The following VSX2 variants were observed in gnomAD, a reference collection of about 807,000 sequenced individuals.
The protein encoded by VSX2 is ceh-10 homeo domain containing homolog.
VSX2 carries 28 observed loss-of-function variants against 32.1 expected under a neutral mutation model. That is an observed-to-expected ratio of 0.87 (90% CI 0.65 to 1.20). VSX2 has a LOEUF of 1.20. Ranked by LOEUF, VSX2 falls within the 50% of genes most tolerant of loss-of-function variation. The probability of loss-of-function intolerance (pLI) is 0.00; values close to 1 mark genes in which losing one functional copy is unlikely to be tolerated. For missense variants in VSX2, 506 were observed against 488.7 expected, an observed-to-expected ratio of 1.04 and a Z score of -0.33; for synonymous variants, 243 against 214.1, an observed-to-expected ratio of 1.14 and a Z score of -1.18.
intron 2 of VSX2, 69 bp from the exon 3 acceptor site, chr14:74,245,096 G>A: frequency 6.2e-7 from 1 of 1,604,280 alleles, no homozygotes; most frequent in Non-Finnish European, 8.5e-7. Context: ...GAGGAAGGCG[G>A]TTCTGTCTTG....
intron 1 of VSX2, among the ~76,000 whole-genome samples, chr14:74,240,352 C>T (rs567007701): frequency 9.7e-4 from 148 of 152,324 alleles, no homozygotes; most frequent in African/African-American, 3.4e-3. Flanking sequence ...GGCTCCGGCC[C>T]CATCCCTGGT....
rs542328201 is a variant in VSX2, at chr14:74,239,627, G to A, written c.66G>A (p.Ser22=). The A allele has an allele frequency of 6.4e-7, 1 of 1,551,140 alleles. No homozygotes were observed. Among genetic ancestry groups the A allele is most frequent in the Non-Finnish European group, 8.7e-7 (1 of 1,146,954 alleles). The stretch of plus-strand genomic sequence containing the variant: ...CCGAGACAGTGGCCAAGAGTACCTC[G>A]GGGGGCGCCCCGGCCAGGTGCACTG... ...PKSETVAKST[S]GGAPARCTGF... Residue 22 remains serine (S), a synonymous_variant, in exon 1 of 5, where the codon TCG becomes TCA. Transcript: ENST00000261980.
chr14:74,258,194 T>C (rs1342005890), intron 3 of VSX2, among the ~76,000 whole-genome samples: 1 of 152,210 alleles, frequency 6.6e-6, no homozygotes, highest in Non-Finnish European at 1.5e-5. Flanking sequence ...CATTAATTAG[T>C]GCGGGTCAAT....
rs112949224 is a variant in VSX2 at position 74,245,465 on chromosome 14, C to T, written c.579+177C>T. ...ACCTGCCACATGAGGTGGGTGCTGTCGGGGGATGAGAAGCACCCAGTTGTG... is the reference window on the plus strand; with the variant it reads ...ACCTGCCACATGAGGTGGGTGCTGTTGGGGGATGAGAAGCACCCAGTTGTG... On this transcript the variant is annotated intron_variant, in intron 3 of 4. Coordinates refer to ENST00000261980, the MANE Select transcript of VSX2 (RefSeq NM_182894.3). Among the ~76,000 whole-genome samples, 366 of 152,130 alleles carry T rather than the reference C, an allele frequency of 2.4e-3. 2 individuals are homozygous for T. Among genetic ancestry groups the T allele is most frequent in the African/African-American group, 8.4e-3 (349 of 41,502 alleles).
At chr14:74,242,833 G>A (rs1310333620) in intron 2 of VSX2, among the ~76,000 whole-genome samples, 1 of 152,006 alleles carries the variant, frequency 6.6e-6, no homozygotes, top group Admixed American at 6.5e-5. Flanking sequence ...GGAGAGCCCT[G>A]GAAAAAGCAT....
At chr14:74,258,868 C>G (rs2079284891) in intron 3 of VSX2, among the ~76,000 whole-genome samples, 1 of 152,192 alleles carries the variant, frequency 6.6e-6, no homozygotes, top group South Asian at 2.1e-4. Context: ...GTCCCTCCTC[C>G]CATTTGCTCC....
At chr14:74,249,036 A>C (rs1357363530) in intron 3 of VSX2, among the ~76,000 whole-genome samples, 1 of 152,230 alleles carries the variant, frequency 6.6e-6, no homozygotes, top group Non-Finnish European at 1.5e-5. Context: ...TCTGAAGTCT[A>C]CTGTCTGATG....
chr14:74,256,434 C>T (rs915409416), intron 3 of VSX2, among the ~76,000 whole-genome samples: 2 of 151,950 alleles, frequency 1.3e-5, no homozygotes, highest in African/African-American at 4.8e-5. Context: ...CCATCTCAAA[C>T]GAAAGTAATT....
At chr14:74,243,382 A>T (rs79412063) in intron 2 of VSX2, among the ~76,000 whole-genome samples, 10,883 of 152,208 alleles carry the variant, frequency 0.072, 704 homozygotes, top group African/African-American at 0.16. Flanking sequence ...GCTGGGTCAC[A>T]TTATGGGGGA....
In VSX2 at chr14:74,244,342, T is replaced by TTCCC. The variant is rs2079170113; in HGVS notation, c.456-823_456-822insTCCC. ...AGGTGAGTGGCTGAGCTTGCAAGTA[T>TTCCC]GGGATGGTTGGAAGGTGGCCCTTCC... is the stretch of plus-strand genomic sequence containing the variant. On this transcript the variant is annotated intron_variant, in intron 2 of 4. Coordinates refer to ENST00000261980, the MANE Select transcript of VSX2 (RefSeq NM_182894.3). Among the ~76,000 whole-genome samples, 4 of 151,872 alleles carry TTCCC rather than the reference T, an allele frequency of 2.6e-5. No homozygotes were observed. In the South Asian group the frequency reaches 8.3e-4, roughly 32 times the overall value.
intron 4 of VSX2, 145 bp from the exon 5 acceptor site, chr14:74,260,449 G>C: frequency 1.1e-6 from 1 of 893,370 alleles, no homozygotes; most frequent in South Asian, 1.5e-5. Flanking sequence ...CCCTGGTCCA[G>C]CCCTGGGACT....
chr14:74,244,429 G>A (rs1215814477), intron 2 of VSX2, among the ~76,000 whole-genome samples: 1 of 152,112 alleles, frequency 6.6e-6, no homozygotes, highest in East Asian at 1.9e-4. Context: ...TGGTAGGTCT[G>A]GGTGATGTCG....
rs376850331 is a variant in VSX2, at chr14:74,250,009, G to T, written c.579+4721G>T. On this transcript the variant is annotated intron_variant, in intron 3 of 4. Coordinates refer to ENST00000261980, the MANE Select transcript of VSX2 (RefSeq NM_182894.3). ...TGATCCCAGCATTTTGGGAGCCTAAGGTCGGAGGGTCACTTGAGGCCAGGA... is the reference window on the plus strand; with the variant it reads ...TGATCCCAGCATTTTGGGAGCCTAATGTCGGAGGGTCACTTGAGGCCAGGA... Among the ~76,000 whole-genome samples the T allele has an allele frequency of 7.2e-5, 11 of 152,246 alleles. No homozygotes were observed. The East Asian group carries it at 2.1e-3, about 29-fold the overall frequency.
intron 2 of VSX2, among the ~76,000 whole-genome samples, chr14:74,244,924 GTGTGTGAA>G (rs1191137582): frequency 1.5e-3 from 169 of 115,488 alleles, no homozygotes; most frequent in African/African-American, 4.4e-3. Flanking sequence ...GTGTGTGTGT[GTGTGTGAA>G]AGAGAGAGAG....
At chr14:74,245,121 T>C (rs947511976) in intron 2 of VSX2, 44 bp from the exon 3 acceptor site, 2 of 1,612,214 alleles carry the variant, frequency 1.2e-6, no homozygotes, top group Admixed American at 1.7e-5. Flanking sequence ...AGACAGGCTC[T>C]TTTAGTTTCT....
At chr14:74,250,491 A>T (rs2079221374) in intron 3 of VSX2, among the ~76,000 whole-genome samples, 1 of 152,062 alleles carries the variant, frequency 6.6e-6, no homozygotes, top group Non-Finnish European at 1.5e-5. Flanking sequence ...ACTACATTTC[A>T]CCCCTCTTAG....
intron 3 of VSX2, among the ~76,000 whole-genome samples, chr14:74,248,631 CAGTG>C (rs1425476435): frequency 7.3e-5 from 11 of 151,034 alleles, no homozygotes; most frequent in Non-Finnish European, 1.6e-4. Context: ...GTAGAGGCTA[CAGTG>C]AGCTGTAATC....
Position 74,262,249 on chromosome 14 carries a change from G to C in VSX2, c.*1330G>C, listed in dbSNP as rs2079313085. On this transcript the variant is annotated 3_prime_UTR_variant, in exon 5 of 5. Transcript: ENST00000261980. ...AACCATGATGGAATAAGGAGCTGGG[G>C]CTTCTTTCTGCTGGCTGATGGGTGG... 6.6e-6 allele frequency: 1 copy of C among 152,418 alleles called. No individual in the cohort carries two copies. The highest frequency in any genetic ancestry group is 2.4e-5 in the African/African-American group (1 of 41,462). 9.4% of individuals were successfully genotyped at this position (152,418 alleles called of 1,614,324 possible). A position where few individuals can be genotyped will look rare whatever the true frequency, so the allele number is the denominator to read the frequency against.
chr14:74,254,797 T>TTTTTTTTTTTTTTTTTTTTTTTTA, intron 3 of VSX2, among the ~76,000 whole-genome samples: 1 of 147,964 alleles, frequency 6.8e-6, no homozygotes, highest in East Asian at 2.1e-4. Flanking sequence ...TTTTTTTTTT[T>TTTTTTTTTTTTTTTTTTTTTTTTA]GAGACGCAGT....
Sources: gnomAD v4.1 joint callset for allele counts (sites outside exome capture counted in the v4.1 genomes callset) on GRCh38, gnomAD v4.1.1 for gene constraint, MANE v1.5 for transcripts, NCBI Gene and HGNC (gene_info 2026-07-23, HGNC 2026-07-21) for gene names.